Variants in CDC7 observed in about 807,000 individuals in gnomAD.
CDC7 encodes cell division cycle 7-related protein kinase.
Under a neutral mutation model 53.5 loss-of-function variants are expected in CDC7, and 34 were observed. The ratio of observed to expected loss-of-function variants is 0.64; its 90% CI spans 0.48 to 0.85. CDC7 has a LOEUF of 0.85. CDC7 is among the 40% of genes least tolerant of loss of function. The pLI is 0.00. For missense variants in CDC7, 594 were observed against 679.7 expected (o/e 0.87, Z 1.40); for synonymous variants, 211 against 222.8 (o/e 0.95, Z 0.47).
Position 91,514,804 on chromosome 1 carries a change from ACTTTT to A in CDC7, c.919-9_919-5del, listed in dbSNP as rs1367310432. The A allele has an allele frequency of 2.6e-6, 4 of 1,545,070 alleles. No homozygotes were observed. Among genetic ancestry groups the A allele is most frequent in the Non-Finnish European group, 3.5e-6 (4 of 1,146,268 alleles). ...AATATCATGAAAATAGAAAAATGAGACTTTTCTTTTACAGCTCATGAAGCAGTCAA... is the reference window on the plus strand; with the variant it reads ...AATATCATGAAAATAGAAAAATGAGACTTTTACAGCTCATGAAGCAGTCAA... On this transcript the variant is annotated splice_polypyrimidine_tract_variant and intron_variant, in intron 8 of 11. Transcript: ENST00000234626.
At chr1:91,523,371 C>G (rs559596205) in intron 11 of CDC7, among the ~76,000 whole-genome samples, 1 of 152,168 alleles carries the variant, frequency 6.6e-6, no homozygotes, top group East Asian at 1.9e-4. Flanking sequence ...TTGTCTAGTC[C>G]AACAGACATT....
rs757269619 is a variant in CDC7, at chr1:91,520,229, T to A, written c.1280T>A (p.Ile427Asn). 8 of 1,608,574 alleles carry A rather than the reference T, an allele frequency of 5.0e-6. No individual in the cohort carries two copies. The highest frequency in any genetic ancestry group is 6.8e-6 in the Non-Finnish European group (8 of 1,177,684). ...ASDDLTALAQ[I>N]MTIRGSRETI... is the part of the protein sequence containing the mutation. ...GATGATTTAACTGCTTTGGCCCAAA[T>A]TATGACAATTAGGGGATCCAGAGAA... The change falls in exon 11 of 12, where the codon ATT (isoleucine) becomes AAT (asparagine). Residue 427 changes from isoleucine to asparagine, a missense_variant. By Grantham distance (149) the Ile-to-Asn change is moderately radical. Transcript: ENST00000234626.
chr1:91,514,596 T>C (rs1667461553), intron 8 of CDC7, among the ~76,000 whole-genome samples: 1 of 152,178 alleles, frequency 6.6e-6, no homozygotes, highest in Non-Finnish European at 1.5e-5. Flanking sequence ...AACTCAAATA[T>C]TGGCCAAGCT....
At chr1:91,521,498 T>C (rs2102403900) in intron 11 of CDC7, among the ~76,000 whole-genome samples, 1 of 152,326 alleles carries the variant, frequency 6.6e-6, no homozygotes, top group East Asian at 1.9e-4. Flanking sequence ...TATCTTGTAC[T>C]TATTGTAAGA....
At chr1:91,501,583 G>A (rs1666680322) in intron 1 of CDC7, 71 bp from the exon 2 acceptor site, 2 of 703,710 alleles carry the variant, frequency 2.8e-6, no homozygotes, top group Non-Finnish European at 5.0e-6. Context: ...CCCCTTTGGG[G>A]GGCAGTAGCA....
rs916521916 is a variant in CDC7, at chr1:91,525,425, T to G, written c.*990T>G. On this transcript the variant is annotated 3_prime_UTR_variant, in exon 12 of 12. Transcript: ENST00000234626. ...GTCTTAGGTGGGTTGGGAAGACAGA[T>G]AATGAAGTAGGCAAAGAGAAAAGGA... 6.6e-6 allele frequency: 1 copy of G among 150,926 alleles called. No individual in the cohort carries two copies. Among genetic ancestry groups the G allele is most frequent in the African/African-American group, 2.4e-5 (1 of 41,234 alleles). The allele number at this position is 150,926 out of a possible 1,614,324, so 9.3% of individuals were successfully genotyped here.
chr1:91,517,893 C>T (rs1239385981), intron 10 of CDC7, among the ~76,000 whole-genome samples: 2 of 151,888 alleles, frequency 1.3e-5, no homozygotes, highest in African/African-American at 4.8e-5. Context: ...GTCAGGAGTT[C>T]GAGATCAGCC....
Position 91,524,573 on chromosome 1 carries a change from T to TA in CDC7, c.*142dup. ...CATTTTAGTGTTTGGTGGCACATTC[T>TA]AAAATATAGATTAAGAATACTTAAA... is the stretch of plus-strand genomic sequence containing the variant. On this transcript the variant is annotated 3_prime_UTR_variant, in exon 12 of 12. Transcript: ENST00000234626. 4 of 656,518 alleles carry TA rather than the reference T, an allele frequency of 6.1e-6. No individual in the cohort carries two copies. Among genetic ancestry groups the TA allele is most frequent in the Middle Eastern group, 8.5e-4 (2 of 2,356 alleles). The allele number at this position is 656,518 out of a possible 1,614,324, so 40.7% of individuals were successfully genotyped here.
intron 11 of CDC7, among the ~76,000 whole-genome samples, chr1:91,520,942 T>C (rs1165502642): frequency 6.6e-6 from 1 of 152,234 alleles, no homozygotes; most frequent in Non-Finnish European, 1.5e-5. Context: ...ATAGGGCACA[T>C]AAGAATTATC....
chr1:91,515,482 T>G (rs1444808564), intron 9 of CDC7, among the ~76,000 whole-genome samples: 1 of 152,182 alleles, frequency 6.6e-6, no homozygotes, highest in Non-Finnish European at 1.5e-5. Context: ...AACAAATGAA[T>G]TTTTATACCT....
chr1:91,521,728 G>A (rs987019838), intron 11 of CDC7, among the ~76,000 whole-genome samples: 2 of 152,130 alleles, frequency 1.3e-5, no homozygotes, highest in African/African-American at 4.8e-5. Context: ...TTATTGAAGA[G>A]CTTGAATCTC....
In CDC7 at chr1:91,525,053, T is replaced by C. The variant is rs950765316; in HGVS notation, c.*618T>C. On this transcript the variant is annotated 3_prime_UTR_variant, in exon 12 of 12. Coordinates refer to ENST00000234626, the MANE Select transcript of CDC7 (RefSeq NM_003503.4). Reference sequence around the variant, plus strand: ...CTGGTGTGAATTGCCATTTTTTTCTTACTGGCTTCTCAATTTTCTTCCTTC... The same window carrying C: ...CTGGTGTGAATTGCCATTTTTTTCTCACTGGCTTCTCAATTTTCTTCCTTC... The C allele has an allele frequency of 6.6e-6, 1 of 152,186 alleles. No homozygotes were observed. The highest frequency in any genetic ancestry group is 1.5e-5 in the Non-Finnish European group (1 of 68,002). The allele number at this position is 152,186 out of a possible 1,614,324, so 9.4% of individuals were successfully genotyped here.
chr1:91,519,448 A>T (rs1372612862), intron 10 of CDC7, among the ~76,000 whole-genome samples: 2 of 151,886 alleles, frequency 1.3e-5, no homozygotes, highest in African/African-American at 4.8e-5. Context: ...AAAAGAAAAG[A>T]ATATAATTGG....
rs774586939 is a variant in CDC7, at chr1:91,508,325, C to T, written c.263C>T (p.Ala88Val). ...QLQVGPEEKI[A>V]LKHLIPTSHP... ...CAAGTAGGACCTGAAGAGAAAATTG[C>T]TCTAAAACACTTGATTCCAACAAGT... The change falls in exon 4 of 12, where the codon GCT becomes GTT. Residue 88 changes from alanine (A) to valine (V), a missense_variant. Ala to Val is a moderately conservative substitution (Grantham distance 64, BLOSUM62 0). Transcript: ENST00000234626. The T allele has an allele frequency of 1.3e-5, 21 of 1,612,094 alleles. No individual in the cohort carries two copies. The highest frequency in any genetic ancestry group is 1.2e-4 in the African/African-American group (9 of 74,880).
At position 91,524,024 on chromosome 1, in the gene CDC7, T is replaced by G; in HGVS notation, c.1331-17T>G. ...AATGTTTTTTTCTGTTTTTGTTTTT[T>G]CTTCTTTTGCTTTTAGGGAAATCAA... On this transcript the variant is annotated splice_polypyrimidine_tract_variant and intron_variant, in intron 11 of 11. Transcript: ENST00000234626. 1 of 1,557,898 alleles carries G rather than the reference T, an allele frequency of 6.4e-7. No individual in the cohort carries two copies. Among genetic ancestry groups the G allele is most frequent in the Non-Finnish European group, 8.7e-7 (1 of 1,154,968 alleles).
At chr1:91,509,318 T>C (rs1667144654) in intron 4 of CDC7, among the ~76,000 whole-genome samples, 1 of 150,514 alleles carries the variant, frequency 6.6e-6, no homozygotes, top group African/African-American at 2.5e-5. Flanking sequence ...CATTTCCACT[T>C]GGTGCCTGAT....
intron 10 of CDC7, among the ~76,000 whole-genome samples, chr1:91,518,177 A>G (rs1667680840): frequency 6.6e-6 from 1 of 151,522 alleles, no homozygotes; most frequent in African/African-American, 2.4e-5. Context: ...GAAGTCAACA[A>G]TTAAGAGAGA....
chr1:91,522,829 G>GAA (rs760532896), intron 11 of CDC7, among the ~76,000 whole-genome samples: 4 of 151,992 alleles, frequency 2.6e-5, no homozygotes, highest in Non-Finnish European at 2.9e-5. Flanking sequence ...CCCTGGCTTA[G>GAA]TACACCAGTC....
At chr1:91,510,697 A>G (rs959610810) in intron 4 of CDC7, among the ~76,000 whole-genome samples, 1 of 152,074 alleles carries the variant, frequency 6.6e-6, no homozygotes, top group Non-Finnish European at 1.5e-5. Flanking sequence ...TGATCTTACA[A>G]TGCAGTCAGG....
Sources: allele counts gnomAD v4.1 joint callset (sites outside exome capture counted in the v4.1 genomes callset), GRCh38; gene constraint gnomAD v4.1.1; transcripts MANE v1.5; gene names NCBI Gene and HGNC (gene_info 2026-07-23, HGNC 2026-07-21).